The following ARHGAP17 variants were observed in gnomAD, a reference collection of about 807,000 sequenced individuals.
ARHGAP17 encodes the protein Rho GTPase activating protein 17, also known as rho GTPase-activating protein 17.
A neutral mutation model predicts 99.5 loss-of-function variants in ARHGAP17; 57 were observed. The observed-to-expected ratio is 0.57, with a 90% confidence interval of 0.46 to 0.71. The LOEUF is 0.71. Ranked by LOEUF, ARHGAP17 falls within the 30% of genes least tolerant of loss-of-function variation. The pLI is 0.00. For missense variants in ARHGAP17, 1,000 were observed against 1,122.4 expected (o/e 0.89, Z 1.56); for synonymous variants, 417 against 429.6 (o/e 0.97, Z 0.36).
chr16:24,962,822 C>T (rs1236808446), intron 7 of ARHGAP17, among the ~76,000 whole-genome samples: 1 of 152,030 alleles, frequency 6.6e-6, no homozygotes, highest in Non-Finnish European at 1.5e-5. Context: ...ATTTGAATAA[C>T]TAGAACTTCA....
intron 1 of ARHGAP17, among the ~76,000 whole-genome samples, chr16:24,984,492 A>C (rs1009033567): frequency 5.3e-5 from 8 of 151,708 alleles, no homozygotes; most frequent in Non-Finnish European, 1.2e-4. Context: ...GTCTCTACTA[A>C]AAATACAAAA....
intron 19 of ARHGAP17, chr16:24,927,767 C>T (rs2050879672): frequency 2.0e-6 from 2 of 975,766 alleles, no homozygotes; most frequent in Non-Finnish European, 2.7e-6. Context: ...AATTAGAATA[C>T]TCTTTGCTAA....
At chr16:24,941,512 G>A (rs566348353) in intron 16 of ARHGAP17, among the ~76,000 whole-genome samples, 1 of 152,070 alleles carries the variant, frequency 6.6e-6, no homozygotes, top group South Asian at 2.1e-4. Flanking sequence ...TTTTCCCACT[G>A]AACATCAAAT....
chr16:24,965,657 C>G (rs1202687451), intron 6 of ARHGAP17, among the ~76,000 whole-genome samples: 1 of 152,166 alleles, frequency 6.6e-6, no homozygotes, highest in Non-Finnish European at 1.5e-5. Context: ...GTGAAAGGAG[C>G]ATAGATTTCA....
At chr16:24,927,249 T>C (rs1208091126) in intron 19 of ARHGAP17, among the ~76,000 whole-genome samples, 6 of 152,220 alleles carry the variant, frequency 3.9e-5, no homozygotes, top group Non-Finnish European at 5.9e-5. Flanking sequence ...GAACTGTAAC[T>C]GGCTAACAGA....
At chr16:24,974,574 A>C (rs2052462022) in intron 3 of ARHGAP17, among the ~76,000 whole-genome samples, 1 of 152,076 alleles carries the variant, frequency 6.6e-6, no homozygotes, top group African/African-American at 2.4e-5. Flanking sequence ...CCTGTTAAGA[A>C]CCACTGAGCC....
chr16:24,939,891 T>A, intron 16 of ARHGAP17: 1 of 411,196 alleles, frequency 2.4e-6, no homozygotes, highest in Non-Finnish European at 4.5e-6. Context: ...AGTGTGTTTA[T>A]CCCCATACTT....
chr16:24,966,262 C>T (rs1261245158), intron 6 of ARHGAP17, among the ~76,000 whole-genome samples: 2 of 152,122 alleles, frequency 1.3e-5, no homozygotes, highest in Admixed American at 1.3e-4. Context: ...TGTGGGAGGT[C>T]AAGAAGAGAC....
In ARHGAP17 at chr16:24,924,178, G is replaced by A. The variant is rs545350675; in HGVS notation, c.2516-3918C>T. ...GGAATGCCTTCCTTCACCAGTGAAC[G>A]GTTTGAGTCTTAAACACTCTGGTTG... On this transcript the variant is annotated intron_variant, in intron 19 of 19. Coordinates refer to ENST00000289968, the MANE Select transcript of ARHGAP17 (RefSeq NM_001006634.3). 3.9e-5 allele frequency among the ~76,000 whole-genome samples: 6 copies of A among 151,996 alleles called. No individual in the cohort carries two copies. The South Asian group carries it at 1.0e-3, about 26-fold the overall frequency.
chr16:24,938,281 T>C (rs563948193), intron 17 of ARHGAP17, among the ~76,000 whole-genome samples: 11 of 152,150 alleles, frequency 7.2e-5, no homozygotes, highest in African/African-American at 2.7e-4. Flanking sequence ...AGAGAATCAC[T>C]TGAACCCGGG....
At chr16:24,959,571 A>G in intron 9 of ARHGAP17, 100 bp downstream of exon 9, 1 of 1,123,572 alleles carries the variant, frequency 8.9e-7, no homozygotes, top group East Asian at 2.4e-5. Flanking sequence ...GAGAAGCTTT[A>G]TCCCAAGGAC....
At position 24,987,589 on chromosome 16, in the gene ARHGAP17, G is replaced by A. The variant is rs191794050; in HGVS notation, c.54-8584C>T. ...CAGCCATTCTGGGGCCTTGAGAGCA[G>A]GGGCTCATCTTTCTACCACCAAGAG... On this transcript the variant is annotated intron_variant, in intron 1 of 19. Transcript: ENST00000289968. Among the ~76,000 whole-genome samples the A allele has an allele frequency of 9.2e-5, 14 of 152,218 alleles. No homozygotes were observed. In the East Asian group the frequency reaches 2.7e-3, roughly 29 times the overall value.
intron 1 of ARHGAP17, among the ~76,000 whole-genome samples, chr16:25,001,856 G>C (rs902865976): frequency 2.6e-5 from 4 of 152,184 alleles, no homozygotes; most frequent in Non-Finnish European, 4.4e-5. Context: ...GACCAAGGTA[G>C]GAGGATCACC....
At chr16:25,003,981 G>A (rs2053441842) in intron 1 of ARHGAP17, among the ~76,000 whole-genome samples, 1 of 152,088 alleles carries the variant, frequency 6.6e-6, no homozygotes. Flanking sequence ...GGAGAGAGTT[G>A]CTCCCCTGCT....
intron 14 of ARHGAP17, among the ~76,000 whole-genome samples, chr16:24,944,867 C>T (rs1335226501): frequency 2.0e-5 from 3 of 151,936 alleles, no homozygotes; most frequent in African/African-American, 7.2e-5. Context: ...CTGCCCGTCT[C>T]GGCCTCCCAA....
chr16:24,976,090 C>T (rs1235203958), intron 3 of ARHGAP17, among the ~76,000 whole-genome samples: 1 of 152,218 alleles, frequency 6.6e-6, no homozygotes. Context: ...TCTCCTCACC[C>T]CACCTCACCC....
At chr16:24,989,563 C>G (rs1483123852) in intron 1 of ARHGAP17, among the ~76,000 whole-genome samples, 5 of 148,390 alleles carry the variant, frequency 3.4e-5, no homozygotes, top group African/African-American at 1.3e-4. Flanking sequence ...TCTATAGAGG[C>G]AGAAAGTAGA....
chr16:24,950,836 CAAAAAAAAAAAAAA>C (rs1177614713), intron 12 of ARHGAP17, among the ~76,000 whole-genome samples: 1 of 39,444 alleles, frequency 2.5e-5, no homozygotes, highest in Non-Finnish European at 5.0e-5. Flanking sequence ...GACTCCAACT[CAAAAAAAAAAAAAA>C]AAAAAAAAGA....
At chr16:24,991,620 C>T (rs1011978118) in intron 1 of ARHGAP17, among the ~76,000 whole-genome samples, 2 of 152,192 alleles carry the variant, frequency 1.3e-5, no homozygotes, top group African/African-American at 4.8e-5. Context: ...GGACAGAGTA[C>T]GTGGAGAGTT....
Sources: gnomAD v4.1 joint callset for allele counts (sites outside exome capture counted in the v4.1 genomes callset) on GRCh38, gnomAD v4.1.1 for gene constraint, MANE v1.5 for transcripts, NCBI Gene and HGNC (gene_info 2026-07-23, HGNC 2026-07-21) for gene names.